Variants in PHF21B observed in about 807,000 individuals in gnomAD.
PHF21B encodes the protein PHD finger protein 21B.
Under a neutral mutation model 62.2 loss-of-function variants are expected in PHF21B, and 22 were observed. The observed-to-expected ratio is 0.35, with a 90% confidence interval of 0.25 to 0.51. PHF21B has a LOEUF of 0.51. PHF21B is among the 20% of genes least tolerant of loss of function. The probability of loss-of-function intolerance (pLI) is 0.97; values close to 1 mark genes in which losing one functional copy is unlikely to be tolerated. For missense variants in PHF21B, 701 were observed against 707.9 expected, an observed-to-expected ratio of 0.99 and a Z score of 0.11; for synonymous variants, 341 against 314.7, an observed-to-expected ratio of 1.08 and a Z score of -0.88.
rs564541389 is a variant in PHF21B at position 44,993,853 on chromosome 22, C to T, written c.120+14692G>A. On this transcript the variant is annotated intron_variant, in intron 2 of 12. Transcript: ENST00000313237. Reference sequence around the variant, plus strand: ...CTCAGCTGGCTGGTTTTCAAAACTACACACACAACCTAATATCAAACCTTC... The same window carrying T: ...CTCAGCTGGCTGGTTTTCAAAACTATACACACAACCTAATATCAAACCTTC... 6.6e-5 allele frequency among the ~76,000 whole-genome samples: 10 copies of T among 152,320 alleles called. No homozygotes were observed. In the South Asian group the frequency reaches 1.7e-3, roughly 25 times the overall value.
intron 5 of PHF21B, among the ~76,000 whole-genome samples, chr22:44,907,399 C>T (rs904659248): frequency 6.6e-6 from 1 of 152,212 alleles, no homozygotes; most frequent in Non-Finnish European, 1.5e-5. Context: ...AAAGGGGACA[C>T]GATCCCACCT....
At position 44,896,088 on chromosome 22, in the gene PHF21B, G is replaced by C; in HGVS notation, c.832-5C>G. ...CGCTACCATGAAGGCGATTTTCTGAGGGAAGGAACAGACAAAGGAGCATTA... is the reference window on the plus strand; with the variant it reads ...CGCTACCATGAAGGCGATTTTCTGACGGAAGGAACAGACAAAGGAGCATTA... On this transcript the variant is annotated splice_region_variant and splice_polypyrimidine_tract_variant and intron_variant, in intron 5 of 12. Transcript: ENST00000313237. The C allele has an allele frequency of 6.2e-7, 1 of 1,614,112 alleles. No individual in the cohort carries two copies. Among genetic ancestry groups the C allele is most frequent in the Non-Finnish European group, 8.5e-7 (1 of 1,180,004 alleles).
chr22:44,887,704 G>A (rs955507342), intron 10 of PHF21B, among the ~76,000 whole-genome samples: 4 of 145,512 alleles, frequency 2.7e-5, no homozygotes, highest in Admixed American at 1.4e-4. Flanking sequence ...GCAATGACCC[G>A]AGACTGTGCC....
chr22:44,920,621 G>T, intron 2 of PHF21B, 131 bp from the exon 3 acceptor site: 1 of 519,486 alleles, frequency 1.9e-6, no homozygotes, highest in Non-Finnish European at 3.4e-6. Flanking sequence ...TCTTAATTAT[G>T]ATTTTTAAAA....
chr22:44,897,687 AG>A (rs1276823053), intron 5 of PHF21B, among the ~76,000 whole-genome samples: 1 of 152,208 alleles, frequency 6.6e-6, no homozygotes, highest in Non-Finnish European at 1.5e-5. Flanking sequence ...TCAGATTTAC[AG>A]GGAAGTTGCA....
chr22:44,894,697 G>A (rs182799324), intron 6 of PHF21B, among the ~76,000 whole-genome samples: 1 of 152,310 alleles, frequency 6.6e-6, no homozygotes, highest in East Asian at 1.9e-4. Context: ...GCTTACAGGG[G>A]GCTTCCCTGC....
chr22:44,984,065 T>TCACCATCACCAC (rs1173475670), intron 2 of PHF21B, among the ~76,000 whole-genome samples: 9 of 133,438 alleles, frequency 6.7e-5, no homozygotes, highest in African/African-American at 2.6e-4. Flanking sequence ...ATCATCATCA[T>TCACCATCACCAC]CACCATCACC....
At chr22:44,986,167 CCAT>C (rs1161502865) in intron 2 of PHF21B, among the ~76,000 whole-genome samples, 2 of 145,762 alleles carry the variant, frequency 1.4e-5, no homozygotes, top group East Asian at 1.9e-4. Context: ...ACCACCATCA[CCAT>C]GAGCACCCCC....
chr22:44,935,340 C>T (rs1319770493), intron 2 of PHF21B, among the ~76,000 whole-genome samples: 1 of 151,920 alleles, frequency 6.6e-6, no homozygotes, highest in African/African-American at 2.4e-5. Flanking sequence ...CATGGCCGGG[C>T]GCGGTGGCTC....
chr22:44,953,261 T>C (rs2072229631), intron 2 of PHF21B, among the ~76,000 whole-genome samples: 1 of 152,102 alleles, frequency 6.6e-6, no homozygotes, highest in Non-Finnish European at 1.5e-5. Context: ...GGGGTACAAT[T>C]TCCCAGTTTG....
intron 2 of PHF21B, among the ~76,000 whole-genome samples, chr22:44,936,658 A>G (rs867767751): frequency 6.6e-6 from 1 of 152,208 alleles, no homozygotes; most frequent in African/African-American, 2.4e-5. Flanking sequence ...TGCTGAAATA[A>G]TATCTTGGAC....
chr22:44,982,060 G>A (rs781093487), intron 2 of PHF21B, among the ~76,000 whole-genome samples: 49 of 152,252 alleles, frequency 3.2e-4, no homozygotes, highest in Admixed American at 3.9e-4. Context: ...GAGGGAACGG[G>A]GGTGTGGCGG....
chr22:44,943,150 G>A (rs907469158), intron 2 of PHF21B, among the ~76,000 whole-genome samples: 11 of 152,072 alleles, frequency 7.2e-5, no homozygotes, highest in South Asian at 2.1e-4. Context: ...AACATGCTCC[G>A]GGGTTGCCTG....
intron 2 of PHF21B, among the ~76,000 whole-genome samples, chr22:44,924,127 G>A (rs1257937123): frequency 6.8e-6 from 1 of 147,258 alleles, no homozygotes; most frequent in Non-Finnish European, 1.5e-5. Context: ...AGGGGAGGAA[G>A]GAGAACAACA....
At position 44,914,012 on chromosome 22, in the gene PHF21B, G is replaced by T; in HGVS notation, c.641C>A (p.Thr214Asn). ...AGGGGACAGTGATGGGGAGGGAGGGGTGAGGGGAAGAGAGGAGGGGTGGAG... is the reference window on the plus strand; with the variant it reads ...AGGGGACAGTGATGGGGAGGGAGGGTTGAGGGGAAGAGAGGAGGGGTGGAG... ...CPLHPSSLPLTPPSPSLSPSP... is the reference protein window; with the variant it reads ...CPLHPSSLPLNPPSPSLSPSP... The change falls in exon 5 of 13, where the codon ACC (threonine) becomes AAC (asparagine). Residue 214 changes from threonine (T) to asparagine (N), a missense_variant. By Grantham distance (65) the Thr-to-Asn change is moderately conservative. Coordinates refer to ENST00000313237, the MANE Select transcript of PHF21B (RefSeq NM_138415.5). The T allele has an allele frequency of 1.7e-6, 2 of 1,201,364 alleles. No homozygotes were observed. Among genetic ancestry groups the T allele is most frequent in the Non-Finnish European group, 2.5e-6 (2 of 809,784 alleles). 74.4% of individuals were successfully genotyped at this position (1,201,364 alleles called of 1,614,324 possible). A position where few individuals can be genotyped will look rare whatever the true frequency, so the allele number is the denominator to read the frequency against.
chr22:44,909,472 C>G (rs759228165), intron 5 of PHF21B, among the ~76,000 whole-genome samples: 7 of 152,246 alleles, frequency 4.6e-5, no homozygotes, highest in African/African-American at 1.7e-4. Context: ...ACAGAGGAGA[C>G]CTGGTTCACG....
chr22:44,883,247 G>A lies in PHF21B; in HGVS notation c.1435C>T (p.Leu479=), dbSNP rs995230586. Residue 479 remains leucine, a synonymous_variant, in exon 13 of 13, where the codon CTG becomes TTG. Transcript: ENST00000313237. The part of the protein sequence containing the change: ...LARQRGTQSS[L]DRLRALLRLI... ...CTCAGGAGGGCCCGCAGGCGGTCCAGGGATGACTGGGTGCCCCTCTGGCGG... is the reference window on the plus strand; with the variant it reads ...CTCAGGAGGGCCCGCAGGCGGTCCAAGGATGACTGGGTGCCCCTCTGGCGG... 5 of 1,613,864 alleles carry A rather than the reference G, an allele frequency of 3.1e-6. 1 individual carries two copies. The highest frequency in any genetic ancestry group is 3.4e-6 in the Non-Finnish European group (4 of 1,179,980).
chr22:44,918,855 C>T (rs1202427611), intron 3 of PHF21B, among the ~76,000 whole-genome samples: 1 of 152,228 alleles, frequency 6.6e-6, no homozygotes, highest in Non-Finnish European at 1.5e-5. Context: ...CTCCCTGGAG[C>T]CTGCCTTGCT....
At position 44,904,570 on chromosome 22, in the gene PHF21B, T is replaced by C. The variant is rs966003315; in HGVS notation, c.832-8487A>G. Reference sequence around the variant, plus strand: ...TCCCCCTGCATCCCCTATAAACTAATAGCAACAAGAATTTTTTTCTTCATT... The same window carrying C: ...TCCCCCTGCATCCCCTATAAACTAACAGCAACAAGAATTTTTTTCTTCATT... On this transcript the variant is annotated intron_variant, in intron 5 of 12. Transcript: ENST00000313237. Among the ~76,000 whole-genome samples, 37 of 141,020 alleles carry C rather than the reference T, an allele frequency of 2.6e-4. 7 individuals carry two copies. Among genetic ancestry groups the C allele is most frequent in the African/African-American group, 9.4e-4 (36 of 38,122 alleles). The allele number at this position is 141,020 out of a possible 152,430, so 92.5% of individuals were successfully genotyped here.
Sources: allele counts gnomAD v4.1 joint callset (sites outside exome capture counted in the v4.1 genomes callset), GRCh38; gene constraint gnomAD v4.1.1; transcripts MANE v1.5; gene names NCBI Gene and HGNC (gene_info 2026-07-23, HGNC 2026-07-21).